SLC9B1: variants seen among roughly 807,000 people sequenced by gnomAD.
SLC9B1 encodes solute carrier family 9 member B1.
Under a neutral mutation model 51.7 loss-of-function variants are expected in SLC9B1, and 32 were observed. The ratio of observed to expected loss-of-function variants is 0.62; its 90% CI spans 0.47 to 0.83. SLC9B1 has a LOEUF of 0.83. Among genes scored for constraint, SLC9B1 ranks in the 40% least tolerant of loss-of-function variants. The probability of loss-of-function intolerance (pLI) is 0.00; values close to 1 mark genes in which losing one functional copy is unlikely to be tolerated. For synonymous variants in SLC9B1, 145 were observed against 212.7 expected, an observed-to-expected ratio of 0.68 and a Z score of 2.77; for missense variants, 406 against 613.2, an observed-to-expected ratio of 0.66 and a Z score of 3.57.
At chr4:102,956,641 T>A (rs1309299605) in intron 3 of SLC9B1, among the ~76,000 whole-genome samples, 1 of 151,886 alleles carries the variant, frequency 6.6e-6, no homozygotes, top group Non-Finnish European at 1.5e-5. Context: ...CAACACAATA[T>A]AAAAGACATC....
At chr4:102,966,170 C>T (rs1266238257) in intron 3 of SLC9B1, among the ~76,000 whole-genome samples, 1 of 152,216 alleles carries the variant, frequency 6.6e-6, no homozygotes, top group African/African-American at 2.4e-5. Context: ...CATGGATTCA[C>T]TAGGTATTGC....
chr4:102,931,872 C>T lies in SLC9B1; in HGVS notation c.829+252G>A, dbSNP rs550824474. Among the ~76,000 whole-genome samples, 59 of 152,118 alleles carry T rather than the reference C, an allele frequency of 3.9e-4. 1 individual carries two copies. The highest frequency in any genetic ancestry group is 5.9e-5 in the Non-Finnish European group (4 of 68,022). ...AATTCCAAAGCAATATAAGCAGATA[C>T]ATAGTAATAATATGGTTTATCAAAT... On this transcript the variant is annotated intron_variant, in intron 7 of 11. Transcript: ENST00000296422.
At chr4:102,892,706 T>C (rs1222478061) in intron 11 of SLC9B1, 1 of 152,214 alleles carries the variant, frequency 6.6e-6, no homozygotes, top group East Asian at 1.9e-4. Context: ...TATAAGGCTG[T>C]AATTTTCCAA....
intron 3 of SLC9B1, among the ~76,000 whole-genome samples, chr4:102,965,784 T>TA (rs59363262): frequency 4.9e-4 from 72 of 147,882 alleles, no homozygotes; most frequent in Admixed American, 1.0e-3. Context: ...TGTAAAATAA[T>TA]AAAAAAAAAA....
intron 1 of SLC9B1, among the ~76,000 whole-genome samples, chr4:103,012,730 A>C (rs1330213028): frequency 6.6e-6 from 1 of 152,186 alleles, no homozygotes; most frequent in East Asian, 1.9e-4. Context: ...ATCCAAGATT[A>C]AGGTTCAGTC....
chr4:102,889,012 T>A (rs1223068491), intron 11 of SLC9B1: 1 of 152,236 alleles, frequency 6.6e-6, no homozygotes, highest in Non-Finnish European at 1.5e-5. Flanking sequence ...AACTAATTGT[T>A]ATTGGGCACT....
intron 11 of SLC9B1, among the ~76,000 whole-genome samples, chr4:102,893,531 C>T (rs370898837): frequency 4.9e-3 from 658 of 134,036 alleles, no homozygotes; most frequent in Admixed American, 5.6e-3. Flanking sequence ...AAGGATAATT[C>T]CAATGTTATT....
chr4:102,968,683 C>G (rs937175264), intron 3 of SLC9B1, among the ~76,000 whole-genome samples: 6 of 152,214 alleles, frequency 3.9e-5, no homozygotes, highest in Non-Finnish European at 5.9e-5. Context: ...ACTGGTTGGA[C>G]AGTGGGTGCA....
chr4:102,906,154 C>T (rs1027366725), intron 10 of SLC9B1: 3 of 160,806 alleles, frequency 1.9e-5, no homozygotes, highest in Non-Finnish European at 2.7e-5. Flanking sequence ...AGGCAGGTCT[C>T]GAACTCCTAA....
At position 103,010,751 on chromosome 4, in the gene SLC9B1, T is replaced by C. The variant is rs1319075244; in HGVS notation, c.-2+8848A>G. ...AAAGGGGCTAGCTAGCTCCCTCCAC[T>C]TATTTTATAAGGGCATTAATCCATT... is the stretch of plus-strand genomic sequence containing the variant. On this transcript the variant is annotated intron_variant, in intron 1 of 11. Coordinates refer to ENST00000296422, the MANE Select transcript of SLC9B1 (RefSeq NM_139173.4). Among the ~76,000 whole-genome samples the C allele has an allele frequency of 6.6e-5, 10 of 152,218 alleles. No homozygotes were observed. In the East Asian group the frequency reaches 1.7e-3, roughly 26 times the overall value.
At chr4:102,929,027 G>C (rs1167378403) in intron 7 of SLC9B1, among the ~76,000 whole-genome samples, 1 of 152,026 alleles carries the variant, frequency 6.6e-6, no homozygotes, top group African/African-American at 2.4e-5. Flanking sequence ...TTATGGTGCC[G>C]ACCCACACTG....
At chr4:102,985,400 C>T (rs1305369459) in intron 3 of SLC9B1, among the ~76,000 whole-genome samples, 2 of 151,976 alleles carry the variant, frequency 1.3e-5, no homozygotes, top group African/African-American at 2.4e-5. Context: ...CTTTTCCTGC[C>T]TTTTGTGGTT....
chr4:102,998,241 G>A (rs1056156854), intron 1 of SLC9B1, among the ~76,000 whole-genome samples: 1 of 152,078 alleles, frequency 6.6e-6, no homozygotes, highest in Admixed American at 6.5e-5. Context: ...AATATTCTAG[G>A]TACTTTATAT....
At chr4:102,948,061 A>T (rs1737354255) in intron 4 of SLC9B1, among the ~76,000 whole-genome samples, 1 of 152,170 alleles carries the variant, frequency 6.6e-6, no homozygotes, top group Admixed American at 6.5e-5. Context: ...ATGCAGTTCA[A>T]AAACAATCAC....
chr4:102,914,991 A>AT (rs2110436466), intron 7 of SLC9B1, among the ~76,000 whole-genome samples: 1 of 152,366 alleles, frequency 6.6e-6, no homozygotes, highest in African/African-American at 2.4e-5. Context: ...AAGGAACAGG[A>AT]TCAAAGCAAC....
chr4:102,957,351 CAA>C (rs1737862212), intron 3 of SLC9B1, among the ~76,000 whole-genome samples: 1 of 152,024 alleles, frequency 6.6e-6, no homozygotes, highest in Non-Finnish European at 1.5e-5. Context: ...AGGATAAACA[CAA>C]AGAGATTCAC....
chr4:103,016,749 C>T, intron 1 of SLC9B1: 1 of 152,120 alleles, frequency 6.6e-6, no homozygotes. Flanking sequence ...AGCCACCATG[C>T]CCGGCCAGTC....
chr4:103,008,701 T>TA (rs1461746809), intron 1 of SLC9B1, among the ~76,000 whole-genome samples: 2 of 151,552 alleles, frequency 1.3e-5, no homozygotes, highest in Non-Finnish European at 2.9e-5. Flanking sequence ...TCATATTGAG[T>TA]AAATTTCTTG....
chr4:102,999,443 T>C (rs1740402493), intron 1 of SLC9B1, among the ~76,000 whole-genome samples: 1 of 152,234 alleles, frequency 6.6e-6, no homozygotes, highest in African/African-American at 2.4e-5. Context: ...TTTATAATCG[T>C]AGTTATTGTA....
Sources: gnomAD v4.1 joint callset for allele counts (sites outside exome capture counted in the v4.1 genomes callset) on GRCh38, gnomAD v4.1.1 for gene constraint, MANE v1.5 for transcripts, NCBI Gene and HGNC (gene_info 2026-07-23, HGNC 2026-07-21) for gene names.